The following ULK4 variants were observed in gnomAD, a reference collection of about 807,000 sequenced individuals.
The protein encoded by ULK4 is unc-51 like kinase 4, also known as inactive serine/threonine-protein kinase ULK4.
In ULK4, 133 loss-of-function variants were observed where a neutral mutation model predicts 160.6. That is an observed-to-expected ratio of 0.83 (90% CI 0.72 to 0.96). ULK4 has a LOEUF of 0.96. Among genes scored for constraint, ULK4 ranks in the 40% least tolerant of loss-of-function variants. ULK4 has a pLI of 0.00. For missense variants in ULK4, 1,580 were observed against 1,499.5 expected (o/e 1.05, Z -0.89); for synonymous variants, 534 against 539.8 (o/e 0.99, Z 0.15).
chr3:41,264,777 C>T (rs144204626), intron 35 of ULK4, among the ~76,000 whole-genome samples: 24 of 152,170 alleles, frequency 1.6e-4, no homozygotes, highest in African/African-American at 5.5e-4. Flanking sequence ...TTTTTGGTAA[C>T]TTTTAATACA....
At chr3:41,736,241 G>C (rs1327643470) in intron 22 of ULK4, among the ~76,000 whole-genome samples, 1 of 151,616 alleles carries the variant, frequency 6.6e-6, no homozygotes, top group African/African-American at 2.4e-5. Context: ...GGTATTTCTA[G>C]TTCTAGATCA....
chr3:41,856,702 T>G (rs1387711330), intron 17 of ULK4, among the ~76,000 whole-genome samples: 2 of 148,582 alleles, frequency 1.3e-5, no homozygotes, highest in African/African-American at 4.9e-5. Flanking sequence ...ATCTAAGAGT[T>G]CAAGACCAGA....
Position 41,789,872 on chromosome 3 carries a change from G to C in ULK4, c.2011-29C>G, listed in dbSNP as rs371040315. ...CAAAGACAAGAGAACAGACCTGTCA[G>C]GCAACTCCAAGTGCATCAATCATTC... On this transcript the variant is annotated intron_variant, in intron 20 of 36. Coordinates refer to ENST00000301831, the MANE Select transcript of ULK4 (RefSeq NM_017886.4). 3.9e-6 allele frequency: 6 copies of C among 1,525,242 alleles called. No individual in the cohort carries two copies. The African/African-American group carries it at 7.0e-5, about 18-fold the overall frequency. The allele number at this position is 1,525,242 out of a possible 1,614,324, so 94.5% of individuals were successfully genotyped here.
At chr3:41,445,674 G>C (rs1053669922) in intron 34 of ULK4, among the ~76,000 whole-genome samples, 1 of 152,080 alleles carries the variant, frequency 6.6e-6, no homozygotes, top group African/African-American at 2.4e-5. Flanking sequence ...TAGCCATATG[G>C]AGAAAGCTGA....
chr3:41,806,878 T>A lies in ULK4; in HGVS notation c.1849-6585A>T, dbSNP rs113929827. Among the ~76,000 whole-genome samples the A allele has an allele frequency of 8.6e-3, 1,312 of 152,270 alleles. 11 individuals are homozygous for A. The highest frequency in any genetic ancestry group is 0.03 in the African/African-American group (1,229 of 41,544). On this transcript the variant is annotated intron_variant, in intron 19 of 36. Coordinates refer to ENST00000301831, the MANE Select transcript of ULK4 (RefSeq NM_017886.4). The stretch of plus-strand genomic sequence containing the variant: ...AAAAAATATTTACATCCAGGCACAG[T>A]GGCTCATGCCTGCAATTCCAGCACC...
At chr3:41,279,917 C>T (rs1005311529) in intron 35 of ULK4, among the ~76,000 whole-genome samples, 5 of 152,112 alleles carry the variant, frequency 3.3e-5, no homozygotes, top group African/African-American at 1.2e-4. Context: ...CAGAGACACA[C>T]ATAGACTCAA....
intron 35 of ULK4, among the ~76,000 whole-genome samples, chr3:41,374,175 T>A (rs1194082864): frequency 6.6e-6 from 1 of 152,026 alleles, no homozygotes; most frequent in Non-Finnish European, 1.5e-5. Flanking sequence ...AGCCCAAGAC[T>A]AGATAGATTT....
At chr3:41,344,724 T>C (rs9832374) in intron 35 of ULK4, among the ~76,000 whole-genome samples, 1,360 of 124,390 alleles carry the variant, frequency 0.011, 22 homozygotes, top group African/African-American at 0.041. Context: ...TTGTACTCCA[T>C]CCTGGGTAAC....
intron 30 of ULK4, among the ~76,000 whole-genome samples, chr3:41,655,345 G>A (rs568373101): frequency 1.9e-3 from 261 of 140,010 alleles, no homozygotes; most frequent in Middle Eastern, 3.7e-3. Flanking sequence ...CATGGACACA[G>A]GAAGGGGAAC....
chr3:41,484,378 C>T (rs964973065), intron 32 of ULK4, among the ~76,000 whole-genome samples: 27 of 151,900 alleles, frequency 1.8e-4, no homozygotes, highest in African/African-American at 6.0e-4. Flanking sequence ...ACAGAGAAAA[C>T]CCCCTGGACT....
chr3:41,351,733 A>G (rs2080913242), intron 35 of ULK4, among the ~76,000 whole-genome samples: 1 of 152,132 alleles, frequency 6.6e-6, no homozygotes, highest in African/African-American at 2.4e-5. Flanking sequence ...ATGCCTGGTG[A>G]GTCTCCAAGC....
intron 35 of ULK4, among the ~76,000 whole-genome samples, chr3:41,377,678 C>T (rs1271216459): frequency 6.8e-6 from 1 of 147,262 alleles, no homozygotes; most frequent in East Asian, 2.0e-4. Flanking sequence ...AATGAGATAC[C>T]ATCTCACACC....
chr3:41,769,960 C>T (rs1453718713), intron 21 of ULK4, among the ~76,000 whole-genome samples: 1 of 152,164 alleles, frequency 6.6e-6, no homozygotes, highest in Non-Finnish European at 1.5e-5. Context: ...ACCACACTGA[C>T]ACTATTTTCC....
chr3:41,959,712 G>T (rs1700607452), intron 1 of ULK4, among the ~76,000 whole-genome samples: 1 of 151,968 alleles, frequency 6.6e-6, no homozygotes. Context: ...GTGGAGGCAG[G>T]ATTGTCTGAA....
chr3:41,364,558 C>T (rs1016994736), intron 35 of ULK4, among the ~76,000 whole-genome samples: 9 of 152,052 alleles, frequency 5.9e-5, no homozygotes, highest in Non-Finnish European at 1.2e-4. Context: ...CAAAGTCTCT[C>T]CATTTGTGAA....
intron 35 of ULK4, among the ~76,000 whole-genome samples, chr3:41,324,082 G>A (rs2080297777): frequency 6.6e-6 from 1 of 152,182 alleles, no homozygotes; most frequent in Non-Finnish European, 1.5e-5. Flanking sequence ...CTGAGGTCAT[G>A]GTTACTTCAG....
intron 30 of ULK4, among the ~76,000 whole-genome samples, chr3:41,635,372 A>G (rs937601278): frequency 2.6e-5 from 4 of 152,134 alleles, no homozygotes; most frequent in South Asian, 2.1e-4. Flanking sequence ...ACAAATCTAT[A>G]GTTTTGTCCT....
Position 41,565,905 on chromosome 3 carries a change from GA to G in ULK4, c.3226+119del, listed in dbSNP as rs942758865. 1.2e-4 allele frequency: 81 copies of G among 683,680 alleles called. 1 individual carries two copies. In the Middle Eastern group the frequency reaches 2.1e-3, roughly 18 times the overall value. The allele number at this position is 683,680 out of a possible 1,614,324, so 42.4% of individuals were successfully genotyped here. The stretch of plus-strand genomic sequence containing the variant: ...CCAAATTTTGCTAGTAATATTACTT[GA>G]AAATTCTTATCTATTTTGACTCATC... On this transcript the variant is annotated intron_variant, in intron 32 of 36. Coordinates refer to ENST00000301831, the MANE Select transcript of ULK4 (RefSeq NM_017886.4).
At chr3:41,867,895 A>G (rs1310977133) in intron 17 of ULK4, among the ~76,000 whole-genome samples, 3 of 152,062 alleles carry the variant, frequency 2.0e-5, no homozygotes, top group Non-Finnish European at 2.9e-5. Context: ...AGTTACAAGC[A>G]TTTTTCTTAA....
Sources: allele counts gnomAD v4.1 joint callset (sites outside exome capture counted in the v4.1 genomes callset), GRCh38; gene constraint gnomAD v4.1.1; transcripts MANE v1.5; gene names NCBI Gene and HGNC (gene_info 2026-07-23, HGNC 2026-07-21).